GRB14: variants seen among roughly 807,000 people sequenced by gnomAD.
GRB14 encodes growth factor receptor bound protein 14, also known as growth factor receptor-bound protein 14.
A neutral mutation model predicts 69.1 loss-of-function variants in GRB14; 38 were observed. That is an observed-to-expected ratio of 0.55 (90% CI 0.42 to 0.72). The LOEUF (loss-of-function observed/expected upper bound fraction) is 0.72, where lower values mean the gene tolerates loss of function less well. Among genes scored for constraint, GRB14 ranks in the 30% least tolerant of loss-of-function variants. GRB14 has a pLI of 0.00. For synonymous variants in GRB14, 247 were observed against 241.3 expected (o/e 1.02, Z -0.22); for missense variants, 666 against 666.1 (o/e 1.00, Z 0.00).
chr2:164,612,110 G>A (rs921666454), intron 2 of GRB14, among the ~76,000 whole-genome samples: 6 of 152,236 alleles, frequency 3.9e-5, no homozygotes, highest in African/African-American at 1.4e-4. Flanking sequence ...ATATCTTTCA[G>A]TCACATCATA....
intron 3 of GRB14, among the ~76,000 whole-genome samples, chr2:164,546,387 CT>C (rs1271626760): frequency 6.6e-6 from 1 of 152,132 alleles, no homozygotes; most frequent in Non-Finnish European, 1.5e-5. Context: ...AAAAGCAGGA[CT>C]TCCTGAAAAA....
At chr2:164,576,244 T>C (rs888034210) in intron 2 of GRB14, among the ~76,000 whole-genome samples, 8 of 151,342 alleles carry the variant, frequency 5.3e-5, no homozygotes, top group Middle Eastern at 3.4e-3. Flanking sequence ...ATACTATTAA[T>C]TGACTGTTAT....
At position 164,502,116 on chromosome 2, in the gene GRB14, T is replaced by C. The variant is rs1008389013; in HGVS notation, c.1104+139A>G. 29 of 462,388 alleles carry C rather than the reference T, an allele frequency of 6.3e-5. No individual in the cohort carries two copies. The East Asian group carries it at 8.2e-4, about 13-fold the overall frequency. 28.6% of individuals were successfully genotyped at this position (462,388 alleles called of 1,614,324 possible). A position where few individuals can be genotyped will look rare whatever the true frequency, so the allele number is the denominator to read the frequency against. On this transcript the variant is annotated intron_variant, in intron 9 of 13. Coordinates refer to ENST00000263915, the MANE Select transcript of GRB14 (RefSeq NM_004490.3). Reference sequence around the variant, plus strand: ...AAAAATAAAAAATTCAATGTAACATTATACTAGAATGGTGCCAAAGAGTTA... The same window carrying C: ...AAAAATAAAAAATTCAATGTAACATCATACTAGAATGGTGCCAAAGAGTTA...
chr2:164,580,238 G>A (rs112289169), intron 2 of GRB14, among the ~76,000 whole-genome samples: 2 of 151,896 alleles, frequency 1.3e-5, no homozygotes, highest in Admixed American at 6.5e-5. Flanking sequence ...GGGATTACAG[G>A]TGCCCAACCA....
At chr2:164,573,307 A>G (rs542409571) in intron 2 of GRB14, among the ~76,000 whole-genome samples, 19 of 152,330 alleles carry the variant, frequency 1.2e-4, no homozygotes, top group African/African-American at 4.6e-4. Flanking sequence ...ATGTGGAAAG[A>G]CTAGTCACTC....
intron 6 of GRB14, among the ~76,000 whole-genome samples, chr2:164,520,284 G>A (rs1464263080): frequency 6.6e-6 from 1 of 152,116 alleles, no homozygotes; most frequent in Non-Finnish European, 1.5e-5. Flanking sequence ...AAATGGTGCT[G>A]GGATAATTGG....
intron 6 of GRB14, among the ~76,000 whole-genome samples, chr2:164,520,305 G>A (rs1321741630): frequency 2.0e-5 from 3 of 152,100 alleles, no homozygotes; most frequent in African/African-American, 7.2e-5. Context: ...CAAGTCACAT[G>A]TAGAAGAATG....
intron 4 of GRB14, among the ~76,000 whole-genome samples, chr2:164,526,220 T>C (rs1331988052): frequency 1.3e-5 from 2 of 152,056 alleles, no homozygotes; most frequent in Non-Finnish European, 1.5e-5. Flanking sequence ...AATATTCTAT[T>C]ATGGTGTGTA....
chr2:164,501,812 A>G (rs1687060081), intron 9 of GRB14, among the ~76,000 whole-genome samples: 1 of 152,060 alleles, frequency 6.6e-6, no homozygotes, highest in Non-Finnish European at 1.5e-5. Flanking sequence ...AATCACTGGC[A>G]TCTTTATACT....
chr2:164,537,186 C>G (rs1452388252), intron 3 of GRB14, among the ~76,000 whole-genome samples: 4 of 152,188 alleles, frequency 2.6e-5, no homozygotes, highest in Non-Finnish European at 5.9e-5. Flanking sequence ...TCCACTCTCC[C>G]TGGACAGTGG....
At chr2:164,500,779 A>G (rs1053756083) in intron 9 of GRB14, among the ~76,000 whole-genome samples, 1 of 152,140 alleles carries the variant, frequency 6.6e-6, no homozygotes, top group Non-Finnish European at 1.5e-5. Context: ...TTTACCTGGC[A>G]CTGAACAAGG....
chr2:164,496,261 C>T (rs1177289757), intron 12 of GRB14, among the ~76,000 whole-genome samples: 1 of 152,102 alleles, frequency 6.6e-6, no homozygotes, highest in Non-Finnish European at 1.5e-5. Flanking sequence ...GATTTCATTA[C>T]TCATCTAAAC....
intron 3 of GRB14, among the ~76,000 whole-genome samples, chr2:164,533,167 T>A (rs1574279544): frequency 6.6e-6 from 1 of 151,418 alleles, no homozygotes; most frequent in Non-Finnish European, 1.5e-5. Flanking sequence ...TCTGTCTATA[T>A]CAACTAAAAT....
intron 2 of GRB14, among the ~76,000 whole-genome samples, chr2:164,561,549 C>G (rs1688829264): frequency 6.6e-6 from 1 of 152,242 alleles, no homozygotes; most frequent in South Asian, 2.1e-4. Context: ...GAAAAGACTA[C>G]AGGTGAGAGG....
intron 3 of GRB14, among the ~76,000 whole-genome samples, chr2:164,543,316 A>T (rs1688285445): frequency 6.6e-6 from 1 of 152,006 alleles, no homozygotes; most frequent in African/African-American, 2.4e-5. Flanking sequence ...AGAAAAAAAA[A>T]AAAGTGGTAC....
chr2:164,522,327 C>T (rs1687656124), intron 5 of GRB14, among the ~76,000 whole-genome samples: 2 of 151,996 alleles, frequency 1.3e-5, no homozygotes, highest in African/African-American at 4.8e-5. Flanking sequence ...CTTTCTATCT[C>T]CGTGTGTGTA....
At chr2:164,591,733 G>A (rs963235014) in intron 2 of GRB14, among the ~76,000 whole-genome samples, 1 of 152,012 alleles carries the variant, frequency 6.6e-6, no homozygotes, top group Non-Finnish European at 1.5e-5. Flanking sequence ...TATTGCTCTG[G>A]GAGGCTGAGC....
chr2:164,497,959 G>A (rs1574241266), intron 9 of GRB14, among the ~76,000 whole-genome samples: 1 of 152,062 alleles, frequency 6.6e-6, no homozygotes, highest in East Asian at 1.9e-4. Flanking sequence ...GAAGCAACTA[G>A]TTTTTAAGAT....
intron 4 of GRB14, among the ~76,000 whole-genome samples, 196 bp from the exon 5 acceptor site, chr2:164,525,274 A>G (rs1299053601): frequency 6.6e-6 from 1 of 152,080 alleles, no homozygotes; most frequent in African/African-American, 2.4e-5. Context: ...GGGCACAAAG[A>G]TTAGCAAATG....
Sources: allele counts gnomAD v4.1 joint callset (sites outside exome capture counted in the v4.1 genomes callset), GRCh38; gene constraint gnomAD v4.1.1; transcripts MANE v1.5; gene names NCBI Gene and HGNC (gene_info 2026-07-23, HGNC 2026-07-21).